Variants in PRKCB observed in about 807,000 individuals in gnomAD.
The protein encoded by PRKCB is protein kinase C beta.
In PRKCB, 13 loss-of-function variants were observed where a neutral mutation model predicts 81.5. The observed-to-expected ratio is 0.16, with a 90% CI of 0.10 to 0.25. The LOEUF (loss-of-function observed/expected upper bound fraction) is 0.25, where lower values mean the gene tolerates loss of function less well. Ranked by LOEUF, PRKCB falls within the 10% of genes least tolerant of loss-of-function variation. The pLI is 1.00. For missense variants in PRKCB, 509 were observed against 875.7 expected (o/e 0.58, Z 5.29); for synonymous variants, 335 against 321.4 (o/e 1.04, Z -0.45).
chr16:24,096,662 AAAAAATATATATATATAT>A (rs1259918457), intron 7 of PRKCB, among the ~76,000 whole-genome samples: 19 of 40,432 alleles, frequency 4.7e-4, no homozygotes, highest in African/African-American at 1.1e-3. Flanking sequence ...CAAAAAAAAA[AAAAAATATATATATATAT>A]ATATATATAT....
chr16:23,900,888 G>A (rs1019057662), intron 2 of PRKCB, among the ~76,000 whole-genome samples: 1 of 152,086 alleles, frequency 6.6e-6, no homozygotes, highest in Admixed American at 6.5e-5. Context: ...CCAAAATCCT[G>A]CAAGAGGAAT....
intron 2 of PRKCB, among the ~76,000 whole-genome samples, chr16:23,860,353 G>A (rs7404793): frequency 0.11 from 17,196 of 152,084 alleles, 1,402 homozygotes; most frequent in African/African-American, 0.21. Flanking sequence ...GAAAGCTTGG[G>A]GGAGAAGATA....
chr16:23,923,915 A>G (rs568942677), intron 2 of PRKCB, among the ~76,000 whole-genome samples: 1 of 152,180 alleles, frequency 6.6e-6, no homozygotes, highest in African/African-American at 2.4e-5. Context: ...GAGGGAGGAA[A>G]ATGATTGGCA....
intron 2 of PRKCB, among the ~76,000 whole-genome samples, chr16:23,842,837 T>G (rs996278462): frequency 1.3e-5 from 2 of 152,232 alleles, no homozygotes; most frequent in Admixed American, 6.5e-5. Flanking sequence ...AATTAACACA[T>G]GTAGACTAGA....
chr16:24,115,269 TAGCA>T (rs1567380084), intron 8 of PRKCB, among the ~76,000 whole-genome samples: 1 of 120,914 alleles, frequency 8.3e-6, no homozygotes, highest in African/African-American at 2.6e-5. Flanking sequence ...CCAAGGATTT[TAGCA>T]TTTATCCCAA....
rs116491271 is a variant in PRKCB at position 23,883,463 on chromosome 16, T to G, written c.205+46057T>G. Among the ~76,000 whole-genome samples the G allele has an allele frequency of 6.1e-3, 936 of 152,236 alleles. 9 individuals are homozygous for G. The highest frequency in any genetic ancestry group is 0.022 in the African/African-American group (897 of 41,534). ...AGGGGCCCCACAGGATGAGCCTCTGTGCTAAGTGCAGTGGGAAGCCACTGG... is the reference window on the plus strand; with the variant it reads ...AGGGGCCCCACAGGATGAGCCTCTGGGCTAAGTGCAGTGGGAAGCCACTGG... On this transcript the variant is annotated intron_variant, in intron 2 of 16. Transcript: ENST00000643927.
intron 3 of PRKCB, among the ~76,000 whole-genome samples, chr16:24,002,414 G>A (rs780356910): frequency 1.8e-4 from 27 of 151,068 alleles, no homozygotes; most frequent in Admixed American, 2.6e-4. Flanking sequence ...GTGTGATCTC[G>A]GCTCACCGCA....
At chr16:24,071,375 G>A (rs1460194448) in intron 5 of PRKCB, among the ~76,000 whole-genome samples, 3 of 149,714 alleles carry the variant, frequency 2.0e-5, no homozygotes, top group South Asian at 4.3e-4. Flanking sequence ...AGGCCAAGGC[G>A]GGTGGATCGC....
chr16:24,125,908 T>G (rs1215747892), intron 9 of PRKCB, among the ~76,000 whole-genome samples: 1 of 152,170 alleles, frequency 6.6e-6, no homozygotes, highest in Non-Finnish European at 1.5e-5. Flanking sequence ...AGGTTGGGAA[T>G]AGGCAGTTGG....
At position 24,219,941 on chromosome 16, in the gene PRKCB, G is replaced by A. The variant is rs200017388; in HGVS notation, c.*5125G>A. On this transcript the variant is annotated 3_prime_UTR_variant, in exon 17 of 17. Transcript: ENST00000643927. ...CTTTCTTCTTACGCTGTGTTAATGT[G>A]TTTACTTTCCATTTGGCAGAGAGAC... 9 of 1,613,444 alleles carry A rather than the reference G, an allele frequency of 5.6e-6. No homozygotes were observed. In the African/African-American group the frequency reaches 8.0e-5, roughly 14 times the overall value.
intron 5 of PRKCB, among the ~76,000 whole-genome samples, chr16:24,087,940 C>A (rs1037399037): frequency 1.3e-5 from 2 of 152,170 alleles, no homozygotes; most frequent in Non-Finnish European, 2.9e-5. Context: ...ACACGCTTCT[C>A]CTGTACTCTT....
intron 2 of PRKCB, among the ~76,000 whole-genome samples, chr16:23,897,393 G>A (rs963918758): frequency 2.6e-5 from 4 of 152,196 alleles, no homozygotes; most frequent in South Asian, 2.1e-4. Flanking sequence ...ACTACAGCTC[G>A]CTGATGTGTG....
rs1324909007 is a variant in PRKCB at position 24,214,631 on chromosome 16, A to G, written c.1864-27A>G. ...GTTTTTGTTTTTTTTCCCACCCACC[A>G]CAAGTTCTTTTCTTCCCCTCTCATA... On this transcript the variant is annotated intron_variant, in intron 16 of 16. Coordinates refer to ENST00000643927, the MANE Select transcript of PRKCB (RefSeq NM_002738.7). 1.8e-5 allele frequency: 28 copies of G among 1,593,464 alleles called. No homozygotes were observed. The Admixed American group carries it at 4.5e-4, about 26-fold the overall frequency.
At chr16:23,980,625 T>C (rs751277302) in intron 2 of PRKCB, among the ~76,000 whole-genome samples, 1 of 152,134 alleles carries the variant, frequency 6.6e-6, no homozygotes, top group Admixed American at 6.5e-5. Context: ...GTAATTCCTG[T>C]AGGTGATGGG....
intron 2 of PRKCB, among the ~76,000 whole-genome samples, chr16:23,911,128 C>CTTTT (rs567904157): frequency 0.45 from 14,000 of 30,994 alleles, 6,009 homozygotes; most frequent in South Asian, 0.69. Context: ...CGTATATATG[C>CTTTT]TTTTTTTTTT....
chr16:24,184,472 A>C (rs1389875250), intron 13 of PRKCB, among the ~76,000 whole-genome samples: 1 of 152,122 alleles, frequency 6.6e-6, no homozygotes, highest in Non-Finnish European at 1.5e-5. Context: ...AAAGAAAAGA[A>C]AAAAAGAAAA....
intron 2 of PRKCB, among the ~76,000 whole-genome samples, chr16:23,846,193 G>T (rs1198072092): frequency 6.6e-6 from 1 of 152,190 alleles, no homozygotes; most frequent in Non-Finnish European, 1.5e-5. Context: ...TCATTAAGGA[G>T]AAAGTCTCAG....
intron 3 of PRKCB, among the ~76,000 whole-genome samples, chr16:23,996,952 G>A (rs947708089): frequency 3.9e-5 from 6 of 152,074 alleles, no homozygotes; most frequent in African/African-American, 9.7e-5. Flanking sequence ...TATGGATCTG[G>A]GAATCAAGGA....
chr16:24,147,019 C>T (rs1014232468), intron 9 of PRKCB, among the ~76,000 whole-genome samples: 1 of 152,110 alleles, frequency 6.6e-6, no homozygotes, highest in African/African-American at 2.4e-5. Flanking sequence ...CAAAACTTCA[C>T]AGCATATGGC....
Sources: allele counts gnomAD v4.1 joint callset (sites outside exome capture counted in the v4.1 genomes callset), GRCh38; gene constraint gnomAD v4.1.1; transcripts MANE v1.5; gene names NCBI Gene and HGNC (gene_info 2026-07-23, HGNC 2026-07-21).